SCCPDH: variants seen among roughly 807,000 people sequenced by gnomAD.
SCCPDH encodes the protein saccharopine dehydrogenase (putative).
Under a neutral mutation model 51.5 loss-of-function variants are expected in SCCPDH, and 34 were observed. The observed-to-expected ratio is 0.66, with a 90% CI of 0.50 to 0.88. The LOEUF (loss-of-function observed/expected upper bound fraction) is 0.88. SCCPDH is among the 40% of genes least tolerant of loss of function. The probability of loss-of-function intolerance (pLI) is 0.00; values close to 1 mark genes in which losing one functional copy is unlikely to be tolerated. For synonymous variants in SCCPDH, 187 were observed against 191.3 expected (o/e 0.98, Z 0.19); for missense variants, 464 against 527.1 (o/e 0.88, Z 1.17).
At chr1:246,751,900 G>A (rs902388370) in intron 5 of SCCPDH, among the ~76,000 whole-genome samples, 1 of 151,416 alleles carries the variant, frequency 6.6e-6, no homozygotes, top group African/African-American at 2.4e-5. Flanking sequence ...AGCCTCCTGA[G>A]TAGCTGGGGC....
rs6669350 is a variant in SCCPDH, at chr1:246,749,240, C to T, written c.564+5115C>T. On this transcript the variant is annotated intron_variant, in intron 5 of 11. Coordinates refer to ENST00000366510, the MANE Select transcript of SCCPDH (RefSeq NM_016002.3). ...GGCCTGCCTGTTGCACAAGCATAAC[C>T]GTCGCTTTTGTTTAGCGTGCAAACA... 6.1e-3 allele frequency among the ~76,000 whole-genome samples: 931 copies of T among 152,314 alleles called. 13 individuals carry two copies. Among genetic ancestry groups the T allele is most frequent in the African/African-American group, 0.02 (836 of 41,576 alleles).
chr1:246,727,028 A>G (rs374052494), intron 2 of SCCPDH, 24 bp downstream of exon 2: 73 of 1,443,492 alleles, frequency 5.1e-5, no homozygotes, highest in South Asian at 4.7e-4. Flanking sequence ...CCTTCTTTGT[A>G]TCAGAACAAA....
intron 5 of SCCPDH, among the ~76,000 whole-genome samples, chr1:246,746,554 G>T (rs1228531039): frequency 6.6e-6 from 1 of 152,146 alleles, no homozygotes; most frequent in Non-Finnish European, 1.5e-5. Context: ...AGAATAAAAA[G>T]AAGTGGCTAG....
intron 9 of SCCPDH, 41 bp downstream of exon 9, chr1:246,760,268 T>C (rs763361826): frequency 5.9e-6 from 9 of 1,531,948 alleles, no homozygotes; most frequent in Non-Finnish European, 8.0e-6. Flanking sequence ...AATATTTTTC[T>C]TTGTGCAATG....
At chr1:246,765,631 G>A (rs983232153) in intron 10 of SCCPDH, among the ~76,000 whole-genome samples, 27 of 151,990 alleles carry the variant, frequency 1.8e-4, no homozygotes, top group Non-Finnish European at 3.4e-4. Flanking sequence ...GATAGGGATC[G>A]GCTCAGTGTA....
intron 5 of SCCPDH, among the ~76,000 whole-genome samples, chr1:246,752,610 G>T (rs575582158): frequency 2.6e-5 from 4 of 152,140 alleles, no homozygotes; most frequent in South Asian, 2.1e-4. Context: ...TTCCCCAGGG[G>T]TTTTTAATTT....
chr1:246,762,169 C>T (rs939245384), intron 9 of SCCPDH, among the ~76,000 whole-genome samples: 2 of 152,060 alleles, frequency 1.3e-5, no homozygotes, highest in Non-Finnish European at 2.9e-5. Context: ...ATTTGTATGT[C>T]TTCTTTGGAG....
intron 3 of SCCPDH, among the ~76,000 whole-genome samples, chr1:246,736,376 C>A (rs574671582): frequency 6.6e-6 from 1 of 152,124 alleles, no homozygotes. Flanking sequence ...TCAATTCTGT[C>A]ATGTTTTCAT....
intron 9 of SCCPDH, among the ~76,000 whole-genome samples, chr1:246,762,596 C>G (rs1272309486): frequency 6.6e-6 from 1 of 152,104 alleles, no homozygotes; most frequent in East Asian, 1.9e-4. Context: ...AATCCCAGCA[C>G]TTTGGGAGGC....
Position 246,726,924 on chromosome 1 carries a change from A to G in SCCPDH, c.223A>G (p.Ile75Val). ...AACACTGTCATCTGAAGTTGGAATC[A>G]TCATCTGTGATATTGCTAATCCAGC... ...RPTLSSEVGI[I>V]ICDIANPASL... The change falls in exon 2 of 12, where the codon ATC (isoleucine) becomes GTC (valine). Residue 75 changes from isoleucine to valine, a missense_variant. Transcript: ENST00000366510. The G allele has an allele frequency of 6.2e-7, 1 of 1,614,108 alleles. No individual in the cohort carries two copies. The highest frequency in any genetic ancestry group is 8.5e-7 in the Non-Finnish European group (1 of 1,179,944).
chr1:246,757,644 A>G (rs1668952007), intron 5 of SCCPDH, among the ~76,000 whole-genome samples: 1 of 152,214 alleles, frequency 6.6e-6, no homozygotes, highest in Non-Finnish European at 1.5e-5. Context: ...AATCATTATT[A>G]GTGAACTTTA....
rs1313045756 is a variant in SCCPDH at position 246,726,999 on chromosome 1, G to A, written c.298G>A (p.Gly100Arg). ...KQATVVLNCV[G>R]PYRFYGEPVI... ...GGCAACAGTTGTCCTCAATTGCGTA[G>A]GACCAGTAAGTAATCAACCCTTCTT... The change falls in exon 2 of 12, where the codon GGA becomes AGA. Residue 100 changes from glycine (G) to arginine (R), a missense_variant. Gly to Arg is a moderately radical substitution (Grantham distance 125, BLOSUM62 -2). Transcript: ENST00000366510. 2 of 1,599,698 alleles carry A rather than the reference G, an allele frequency of 1.3e-6. No homozygotes were observed. The highest frequency in any genetic ancestry group is 1.3e-5 in the African/African-American group (1 of 74,746).
intron 4 of SCCPDH, among the ~76,000 whole-genome samples, chr1:246,742,504 G>T (rs924525680): frequency 4.6e-5 from 7 of 152,176 alleles, no homozygotes; most frequent in Admixed American, 4.6e-4. Flanking sequence ...TGCGGATCGG[G>T]TTAGATCACA....
At chr1:246,741,888 GA>G (rs1668684698) in intron 4 of SCCPDH, among the ~76,000 whole-genome samples, 1 of 152,118 alleles carries the variant, frequency 6.6e-6, no homozygotes, top group Non-Finnish European at 1.5e-5. Flanking sequence ...CCAACATGGT[GA>G]AACCTTGTCT....
chr1:246,746,001 A>G (rs966987645), intron 5 of SCCPDH, among the ~76,000 whole-genome samples: 13 of 149,998 alleles, frequency 8.7e-5, no homozygotes, highest in Admixed American at 3.3e-4. Flanking sequence ...CCAGCTACTC[A>G]GGAGGCTGAG....
chr1:246,754,263 G>A (rs1258915452), intron 5 of SCCPDH, among the ~76,000 whole-genome samples: 1 of 152,122 alleles, frequency 6.6e-6, no homozygotes, highest in Non-Finnish European at 1.5e-5. Flanking sequence ...CAGGTCGCCA[G>A]CCAGTTTCTT....
intron 10 of SCCPDH, among the ~76,000 whole-genome samples, chr1:246,765,491 T>G (rs1171152204): frequency 1.3e-5 from 2 of 152,268 alleles, no homozygotes; most frequent in East Asian, 3.8e-4. Context: ...ATTTTCATTA[T>G]TTGACAGGAT....
rs76073375 is a variant in SCCPDH at position 246,749,884 on chromosome 1, A to T, written c.564+5759A>T. 4.5e-3 allele frequency among the ~76,000 whole-genome samples: 679 copies of T among 152,344 alleles called. 6 individuals carry two copies. Among genetic ancestry groups the T allele is most frequent in the African/African-American group, 0.015 (635 of 41,568 alleles). On this transcript the variant is annotated intron_variant, in intron 5 of 11. Transcript: ENST00000366510. ...CTGGTTTGACAAATCTTCACAGGGCATCAGAAGGCAAGCGTCAAAAGTAAT... is the reference window on the plus strand; with the variant it reads ...CTGGTTTGACAAATCTTCACAGGGCTTCAGAAGGCAAGCGTCAAAAGTAAT...
chr1:246,729,793 T>C (rs1668464656), intron 2 of SCCPDH, among the ~76,000 whole-genome samples: 1 of 151,708 alleles, frequency 6.6e-6, no homozygotes, highest in African/African-American at 2.4e-5. Flanking sequence ...TCACAATTTA[T>C]GTCCAGAGAT....
Sources: allele counts gnomAD v4.1 joint callset (sites outside exome capture counted in the v4.1 genomes callset), GRCh38; gene constraint gnomAD v4.1.1; transcripts MANE v1.5; gene names NCBI Gene and HGNC (gene_info 2026-07-23, HGNC 2026-07-21).